The following CABCOCO1 variants were observed in gnomAD, a reference collection of about 807,000 sequenced individuals.
CABCOCO1 encodes the protein ciliary associated calcium binding coiled-coil 1, also known as ciliary-associated calcium-binding coiled-coil protein 1.
Under a neutral mutation model 35.7 loss-of-function variants are expected in CABCOCO1, and 28 were observed. The ratio of observed to expected loss-of-function variants is 0.78; its 90% CI spans 0.58 to 1.07. CABCOCO1 has a LOEUF of 1.07. Ranked by LOEUF, CABCOCO1 falls within the 50% of genes least tolerant of loss-of-function variation. The probability of loss-of-function intolerance (pLI) is 0.00; values close to 1 mark genes in which losing one functional copy is unlikely to be tolerated. For synonymous variants in CABCOCO1, 95 were observed against 100.1 expected (o/e 0.95, Z 0.30); for missense variants, 326 against 309.2 (o/e 1.05, Z -0.41).
At chr10:61,684,409 T>C (rs188993928) in intron 3 of CABCOCO1, among the ~76,000 whole-genome samples, 11 of 152,346 alleles carry the variant, frequency 7.2e-5, no homozygotes, top group Admixed American at 2.6e-4. Flanking sequence ...GTAATTTTGG[T>C]ATTTAGGGTA....
chr10:61,666,413 G>T (rs11819648), intron 1 of CABCOCO1, among the ~76,000 whole-genome samples: 17,537 of 152,186 alleles, frequency 0.12, 1,304 homozygotes, highest in African/African-American at 0.18. Context: ...TTAAAATATT[G>T]TTGAGAAAAC....
chr10:61,701,012 A>T (rs1348120931), intron 5 of CABCOCO1, among the ~76,000 whole-genome samples: 1 of 151,882 alleles, frequency 6.6e-6, no homozygotes, highest in Non-Finnish European at 1.5e-5. Context: ...GTCCTGAAGG[A>T]CATACATCAA....
intron 5 of CABCOCO1, among the ~76,000 whole-genome samples, chr10:61,757,178 T>C (rs1053516924): frequency 6.6e-6 from 1 of 152,060 alleles, no homozygotes; most frequent in African/African-American, 2.4e-5. Flanking sequence ...TTTAAACGTA[T>C]TTTCTGGCTC....
chr10:61,679,024 C>T (rs777203910), intron 2 of CABCOCO1, among the ~76,000 whole-genome samples: 1 of 152,122 alleles, frequency 6.6e-6, no homozygotes, highest in African/African-American at 2.4e-5. Context: ...GATTATATCA[C>T]TTATTTTGAT....
At chr10:61,762,667 A>T (rs1236890223) in intron 7 of CABCOCO1, among the ~76,000 whole-genome samples, 1 of 152,102 alleles carries the variant, frequency 6.6e-6, no homozygotes, top group Non-Finnish European at 1.5e-5. Context: ...ACTTCCCCTG[A>T]TAAATTGAAA....
At chr10:61,758,645 A>C (rs1384190926) in intron 5 of CABCOCO1, among the ~76,000 whole-genome samples, 6 of 152,106 alleles carry the variant, frequency 3.9e-5, no homozygotes, top group Admixed American at 2.6e-4. Flanking sequence ...TGAAAACCAC[A>C]AAGGACAAGA....
intron 5 of CABCOCO1, among the ~76,000 whole-genome samples, chr10:61,697,383 T>A (rs1334764746): frequency 1.3e-5 from 2 of 152,104 alleles, no homozygotes; most frequent in African/African-American, 4.8e-5. Context: ...TAGATTCCTA[T>A]GTATGGTTAT....
rs191478310 is a variant in CABCOCO1 at position 61,721,156 on chromosome 10, C to A, written c.552+30535C>A. 6.7e-3 allele frequency among the ~76,000 whole-genome samples: 1,010 copies of A among 151,810 alleles called. 12 individuals carry two copies. The highest frequency in any genetic ancestry group is 0.024 in the African/African-American group (977 of 41,394). ...AGCCAGGATGGTCTCGATCTCCTGA[C>A]CTCATGATCCACCCGTCTCAGCCTC... On this transcript the variant is annotated intron_variant, in intron 5 of 7. Transcript: ENST00000648843.
chr10:61,667,282 AT>A (rs1313766393), intron 1 of CABCOCO1, among the ~76,000 whole-genome samples: 1 of 150,084 alleles, frequency 6.7e-6, no homozygotes, highest in African/African-American at 2.4e-5. Context: ...TCTCTACAAA[AT>A]AAGTCTTTGG....
At chr10:61,680,431 T>TA (rs1319695133) in intron 2 of CABCOCO1, among the ~76,000 whole-genome samples, 15 of 111,066 alleles carry the variant, frequency 1.4e-4, no homozygotes, top group African/African-American at 3.6e-4. Flanking sequence ...TATTTATATA[T>TA]TAACATATAT....
intron 1 of CABCOCO1, among the ~76,000 whole-genome samples, chr10:61,667,410 G>A (rs1839222064): frequency 6.7e-6 from 1 of 150,260 alleles, no homozygotes; most frequent in South Asian, 2.1e-4. Context: ...TTCTTGACAA[G>A]TATGTCTTCT....
chr10:61,722,108 A>G (rs1221335372), intron 5 of CABCOCO1, among the ~76,000 whole-genome samples: 8 of 152,148 alleles, frequency 5.3e-5, no homozygotes, highest in African/African-American at 1.9e-4. Context: ...TTCTGTGGTG[A>G]ATGGTCTCTG....
intron 5 of CABCOCO1, among the ~76,000 whole-genome samples, chr10:61,719,377 A>T (rs1238567449): frequency 6.6e-6 from 1 of 152,162 alleles, no homozygotes; most frequent in Non-Finnish European, 1.5e-5. Context: ...TTGAGAGTAC[A>T]CACTGAGTTG....
chr10:61,720,693 G>GA (rs1226685466), intron 5 of CABCOCO1, among the ~76,000 whole-genome samples: 1 of 151,744 alleles, frequency 6.6e-6, no homozygotes, highest in Non-Finnish European at 1.5e-5. Context: ...ATGTGGTGGG[G>GA]GGGCAGGTAA....
At chr10:61,759,974 T>C in intron 5 of CABCOCO1, 85 bp from the exon 6 acceptor site, 1 of 1,503,376 alleles carries the variant, frequency 6.7e-7, no homozygotes, top group East Asian at 2.3e-5. Context: ...GACTTGGAAC[T>C]ATGGTACATA....
At chr10:61,757,901 A>T (rs560200354) in intron 5 of CABCOCO1, among the ~76,000 whole-genome samples, 2 of 152,082 alleles carry the variant, frequency 1.3e-5, no homozygotes, top group Non-Finnish European at 2.9e-5. Context: ...GGCCAGTGGT[A>T]GAATCTGCTA....
Position 61,760,047 on chromosome 10 carries a change from T to C in CABCOCO1, c.553-12T>C, listed in dbSNP as rs1351456515. The C allele has an allele frequency of 6.2e-7, 1 of 1,612,352 alleles. No homozygotes were observed. Among genetic ancestry groups the C allele is most frequent in the Admixed American group, 1.7e-5 (1 of 59,802 alleles). ...AGGCTCTGTCATAATTCAACTTTTT[T>C]CTTCCCATCAGCAAGTGATAGAGGT... On this transcript the variant is annotated splice_polypyrimidine_tract_variant and intron_variant, in intron 5 of 7. Coordinates refer to ENST00000648843, the MANE Select transcript of CABCOCO1 (RefSeq NM_001366906.2).
chr10:61,731,008 G>A (rs1252261458), intron 5 of CABCOCO1, among the ~76,000 whole-genome samples: 4 of 151,058 alleles, frequency 2.6e-5, no homozygotes, highest in African/African-American at 9.7e-5. Context: ...CTCCTAAATT[G>A]GATATTGGAC....
chr10:61,735,851 C>T (rs1297042296), intron 5 of CABCOCO1, among the ~76,000 whole-genome samples: 2 of 152,142 alleles, frequency 1.3e-5, no homozygotes, highest in Admixed American at 6.6e-5. Context: ...AGAACCCCGA[C>T]CATGTAGCTG....
Sources: gnomAD v4.1 joint callset for allele counts (sites outside exome capture counted in the v4.1 genomes callset) on GRCh38, gnomAD v4.1.1 for gene constraint, MANE v1.5 for transcripts, NCBI Gene and HGNC (gene_info 2026-07-23, HGNC 2026-07-21) for gene names.